TRIM36: variants seen among roughly 807,000 people sequenced by gnomAD.
TRIM36 encodes the protein E3 ubiquitin-protein ligase TRIM36.
Under a neutral mutation model 72.4 loss-of-function variants are expected in TRIM36, and 42 were observed. The observed-to-expected ratio is 0.58, with a 90% confidence interval of 0.45 to 0.75. TRIM36 has a LOEUF of 0.75. TRIM36 is among the 30% of genes least tolerant of loss of function. The pLI, the probability that TRIM36 is intolerant of heterozygous loss-of-function variation, is 0.00. For missense variants in TRIM36, 913 were observed against 857.1 expected (o/e 1.07, Z -0.81); for synonymous variants, 315 against 282.8 (o/e 1.11, Z -1.14).
Position 115,147,398 on chromosome 5 carries a change from T to C in TRIM36, c.263-4A>G. The C allele has an allele frequency of 6.2e-7, 1 of 1,606,972 alleles. No individual in the cohort carries two copies. Among genetic ancestry groups the C allele is most frequent in the Non-Finnish European group, 8.5e-7 (1 of 1,174,066 alleles). ...GTCAATGAATTGCGCTTCCAGCCTGTGTAATTAGTAAGTCTTTGTTTAGTT... is the reference window on the plus strand; with the variant it reads ...GTCAATGAATTGCGCTTCCAGCCTGCGTAATTAGTAAGTCTTTGTTTAGTT... On this transcript the variant is annotated splice_region_variant and splice_polypyrimidine_tract_variant and intron_variant, in intron 2 of 9. Coordinates refer to ENST00000513154, the MANE Select transcript of TRIM36 (RefSeq NM_001300759.2).
chr5:115,152,856 T>A (rs1359072271), intron 2 of TRIM36, among the ~76,000 whole-genome samples: 1 of 152,132 alleles, frequency 6.6e-6, no homozygotes, highest in Non-Finnish European at 1.5e-5. Context: ...AAAGAACTGC[T>A]AAAAGGAGCT....
chr5:115,135,360 T>A (rs1375494343), intron 7 of TRIM36, among the ~76,000 whole-genome samples: 5 of 152,102 alleles, frequency 3.3e-5, no homozygotes, highest in African/African-American at 1.2e-4. Flanking sequence ...GCAGCCATAA[T>A]GAGATCTGGA....
At chr5:115,166,805 A>T (rs955540755) in intron 1 of TRIM36, among the ~76,000 whole-genome samples, 7 of 152,046 alleles carry the variant, frequency 4.6e-5, no homozygotes, top group African/African-American at 1.7e-4. Context: ...CGGCATCTCC[A>T]AGTTTCTGGG....
chr5:115,150,531 T>C (rs1174645434), intron 2 of TRIM36, among the ~76,000 whole-genome samples: 3 of 152,096 alleles, frequency 2.0e-5, no homozygotes, highest in East Asian at 1.9e-4. Context: ...ACAAACTAGA[T>C]TGAAGGACTA....
rs1753027106 is a variant in TRIM36 at position 115,137,510 on chromosome 5, T to C, written c.938A>G (p.Lys313Arg). ...CTGAAATTTGTCTAATCTTAGTTTC[T>C]TAGAGGAGTCAATTGCTTTCAAAAC... ...SSVLKAIDSS[K>R]KLRLDKFQTQ... is the part of the protein sequence containing the mutation. The change falls in exon 6 of 10, where the codon AAG (lysine) becomes AGG (arginine). Residue 313 changes from lysine (K) to arginine (R), a missense_variant. By Grantham distance (26) the Lys-to-Arg change is conservative (BLOSUM62 2). Coordinates refer to ENST00000513154, the MANE Select transcript of TRIM36 (RefSeq NM_001300759.2). 1 of 1,614,156 alleles carries C rather than the reference T, an allele frequency of 6.2e-7. No individual in the cohort carries two copies. The highest frequency in any genetic ancestry group is 8.5e-7 in the Non-Finnish European group (1 of 1,180,000).
chr5:115,175,400 G>C lies in TRIM36; in HGVS notation c.63+4575C>G, dbSNP rs1755287470. On this transcript the variant is annotated intron_variant, in intron 1 of 9. Coordinates refer to the TRIM36 transcript ENST00000282369. ...CCCTTGCAGTAACCCTGTGAAATAG[G>C]TATAATTCTTTTCAGAGAAGACATG... Among the ~76,000 whole-genome samples, 3 of 152,120 alleles carry C rather than the reference G, an allele frequency of 2.0e-5. No homozygotes were observed. The South Asian group carries it at 6.2e-4, about 31-fold the overall frequency.
At chr5:115,165,172 T>C (rs1754693510) in intron 1 of TRIM36, among the ~76,000 whole-genome samples, 1 of 152,138 alleles carries the variant, frequency 6.6e-6, no homozygotes, top group African/African-American at 2.4e-5. Context: ...TATCTGCAGG[T>C]TTCCCAGGCG....
At chr5:115,157,349 G>C (rs949828960) in intron 2 of TRIM36, among the ~76,000 whole-genome samples, 1 of 152,082 alleles carries the variant, frequency 6.6e-6, no homozygotes, top group Non-Finnish European at 1.5e-5. Flanking sequence ...GATCACCTGA[G>C]GTCAACAGTT....
rs763047412 is a variant in TRIM36 at position 115,147,297 on chromosome 5, C to G, written c.360G>C (p.Leu120=). Residue 120 remains leucine (L), a synonymous_variant, in exon 3 of 10, where the codon CTG becomes CTC. Transcript: ENST00000513154. ...TAGTTTCCAAAGTGAAGTTTCGAAA[C>G]AGACCATTGATTCCTCGTTCTCCAA... is the stretch of plus-strand genomic sequence containing the variant. ...VDLGERGING[L]FRNFTLETIV... 1 of 1,614,168 alleles carries G rather than the reference C, an allele frequency of 6.2e-7. No individual in the cohort carries two copies. The highest frequency in any genetic ancestry group is 8.5e-7 in the Non-Finnish European group (1 of 1,180,022).
intron 7 of TRIM36, among the ~76,000 whole-genome samples, chr5:115,136,353 T>G (rs1360073860): frequency 6.6e-6 from 1 of 152,134 alleles, no homozygotes; most frequent in Non-Finnish European, 1.5e-5. Flanking sequence ...ATTTATCATT[T>G]ATCAACCAAG....
chr5:115,127,044 C>T (rs78153929), intron 9 of TRIM36, among the ~76,000 whole-genome samples, 187 bp from the exon 10 acceptor site: 5,330 of 152,220 alleles, frequency 0.035, 145 homozygotes, highest in East Asian at 0.078. Flanking sequence ...AGACTCAGCC[C>T]CAAATTCCCT....
intron 8 of TRIM36, among the ~76,000 whole-genome samples, chr5:115,132,035 T>C (rs1752708901): frequency 6.6e-6 from 1 of 152,090 alleles, no homozygotes; most frequent in South Asian, 2.1e-4. Flanking sequence ...ATTTTATCTT[T>C]ATTACACCAC....
chr5:115,151,704 C>T (rs1753904523), intron 2 of TRIM36, among the ~76,000 whole-genome samples: 1 of 152,216 alleles, frequency 6.6e-6, no homozygotes, highest in Admixed American at 6.5e-5. Flanking sequence ...GTTCACATCA[C>T]AGGACTGTGG....
intron 1 of TRIM36, among the ~76,000 whole-genome samples, chr5:115,168,219 A>T (rs2126943093): frequency 6.6e-6 from 1 of 152,346 alleles, no homozygotes; most frequent in South Asian, 2.1e-4. Context: ...AAGGTGTATA[A>T]GCACCACTAC....
chr5:115,142,104 G>A (rs776459512), intron 4 of TRIM36, among the ~76,000 whole-genome samples: 29 of 152,238 alleles, frequency 1.9e-4, no homozygotes, highest in Non-Finnish European at 3.8e-4. Context: ...AAAATGTATT[G>A]AGAGTCTAAA....
upstream of TRIM36, chr5:115,169,962 A>G (rs1755020139): frequency 2.5e-6 from 3 of 1,207,054 alleles, no homozygotes; most frequent in East Asian, 3.9e-5. Flanking sequence ...GGGCGTGGAC[A>G]GGGCGTGGCC....
At chr5:115,155,167 C>A (rs180876475) in intron 2 of TRIM36, among the ~76,000 whole-genome samples, 2 of 151,878 alleles carry the variant, frequency 1.3e-5, no homozygotes, top group South Asian at 4.2e-4. Flanking sequence ...TCAGCCTGGG[C>A]AACAAGAGCA....
At chr5:115,171,009 C>T, upstream of TRIM36, 2 of 1,557,890 alleles carry the variant, frequency 1.3e-6, no homozygotes, top group Non-Finnish European at 1.7e-6. Flanking sequence ...TTCTGGCTAG[C>T]TAAACAATTC....
chr5:115,128,181 C>A (rs1752455671), intron 9 of TRIM36, among the ~76,000 whole-genome samples: 1 of 150,892 alleles, frequency 6.6e-6, no homozygotes. Context: ...ACCAGCCTGA[C>A]CAACATGGGG....
Sources: allele counts gnomAD v4.1 joint callset (sites outside exome capture counted in the v4.1 genomes callset), GRCh38; gene constraint gnomAD v4.1.1; transcripts MANE v1.5; gene names NCBI Gene and HGNC (gene_info 2026-07-23, HGNC 2026-07-21).